KNL1: variants seen among roughly 807,000 people sequenced by gnomAD.
KNL1 encodes kinetochore scaffold 1.
In KNL1, 66 loss-of-function variants were observed where a neutral mutation model predicts 201.3. That is an observed-to-expected ratio of 0.33 (90% CI 0.27 to 0.40). The LOEUF (loss-of-function observed/expected upper bound fraction) is 0.40. Ranked by LOEUF, KNL1 falls within the 10% of genes least tolerant of loss-of-function variation. The pLI is 1.00. For synonymous variants in KNL1, 895 were observed against 899.2 expected (o/e 1.00, Z 0.08); for missense variants, 2,815 against 2,690.5 (o/e 1.05, Z -1.02).
Position 40,606,398 on chromosome 15 carries a change from G to A in KNL1, c.81G>A (p.Leu27=), listed in dbSNP as rs775689404. 7.7e-6 allele frequency: 12 copies of A among 1,568,134 alleles called. No individual in the cohort carries two copies. In the Admixed American group the frequency reaches 1.8e-4, roughly 24 times the overall value. ...RPVRRRHSSI[L]KPPRSPLQDL... is the part of the protein sequence containing the mutation. Reference sequence around the variant, plus strand: ...AATTCTAATTGTTACCCTAGATATTGAAACCCCCAAGGAGTCCTCTTCAGG... The same window carrying A: ...AATTCTAATTGTTACCCTAGATATTAAAACCCCCAAGGAGTCCTCTTCAGG... Residue 27 remains leucine (L), a synonymous_variant, in exon 4 of 26, where the codon TTG becomes TTA. Coordinates refer to ENST00000399668, the MANE Select transcript of KNL1 (RefSeq NM_144508.5).
At chr15:40,609,186 T>C (rs1892074649) in intron 5 of KNL1, among the ~76,000 whole-genome samples, 1 of 151,104 alleles carries the variant, frequency 6.6e-6, no homozygotes, top group Admixed American at 6.6e-5. Flanking sequence ...AGCCAGAGGA[T>C]TGCTTGAGGC....
intron 8 of KNL1, 47 bp from the exon 9 acceptor site, chr15:40,618,912 C>G (rs549841341): frequency 8.2e-7 from 1 of 1,224,684 alleles, no homozygotes; most frequent in East Asian, 2.3e-5. Flanking sequence ...GAAAATCAGG[C>G]TCAGTGTTAT....
intron 3 of KNL1, 145 bp from the exon 4 acceptor site, chr15:40,606,248 G>A (rs1019881710): frequency 2.7e-5 from 15 of 553,626 alleles, no homozygotes; most frequent in Admixed American, 1.8e-4. Flanking sequence ...TCTGCCACAC[G>A]GTATAGCATT....
At chr15:40,608,150 T>A (rs550002061) in intron 4 of KNL1, among the ~76,000 whole-genome samples, 124 of 152,126 alleles carry the variant, frequency 8.2e-4, no homozygotes, top group Non-Finnish European at 1.4e-3. Context: ...TGACACATAC[T>A]ACAAAATGTG....
At chr15:40,635,601 G>T (rs922016237) in intron 13 of KNL1, among the ~76,000 whole-genome samples, 1 of 151,938 alleles carries the variant, frequency 6.6e-6, no homozygotes, top group Non-Finnish European at 1.5e-5. Flanking sequence ...TGATCCGCCC[G>T]CCTCAGCTTC....
intron 7 of KNL1, among the ~76,000 whole-genome samples, chr15:40,611,957 A>G (rs1595918476): frequency 6.6e-6 from 1 of 152,154 alleles, no homozygotes; most frequent in Non-Finnish European, 1.5e-5. Context: ...AGGCTGGTGG[A>G]TCACCTGAGG....
At chr15:40,661,933 C>G in intron 25 of KNL1, 141 bp from the exon 26 acceptor site, 1 of 500,396 alleles carries the variant, frequency 2.0e-6, no homozygotes, top group Non-Finnish European at 3.6e-6. Flanking sequence ...CCCAGCTACT[C>G]GGGAGGCTGA....
rs752993651 is a variant in KNL1, at chr15:40,654,998, C to G, written c.6484+21C>G. 8 of 1,597,032 alleles carry G rather than the reference C, an allele frequency of 5.0e-6. No individual in the cohort carries two copies. The Admixed American group carries it at 1.3e-4, about 27-fold the overall frequency. On this transcript the variant is annotated intron_variant, in intron 22 of 25. Coordinates refer to ENST00000399668, the MANE Select transcript of KNL1 (RefSeq NM_144508.5). ...AGATGGTAAGTAGAAAACATTTAAGCCTCTAAAAATTTGTTGGGGCTGGGC... is the reference window on the plus strand; with the variant it reads ...AGATGGTAAGTAGAAAACATTTAAGGCTCTAAAAATTTGTTGGGGCTGGGC...
chr15:40,661,948 G>GGA (rs1481191329), intron 25 of KNL1, 126 bp from the exon 26 acceptor site: 1 of 549,506 alleles, frequency 1.8e-6, no homozygotes, highest in Middle Eastern at 3.6e-4. Flanking sequence ...GGCTGAGGCA[G>GGA]GAGAATGGCA....
At chr15:40,595,453 A>G (rs1891594194) in intron 1 of KNL1, among the ~76,000 whole-genome samples, 1 of 152,218 alleles carries the variant, frequency 6.6e-6, no homozygotes, top group African/African-American at 2.4e-5. Flanking sequence ...ATGTGGTAAA[A>G]TTTTGGTAAT....
At chr15:40,607,570 T>G (rs1371872401) in intron 4 of KNL1, among the ~76,000 whole-genome samples, 1 of 152,210 alleles carries the variant, frequency 6.6e-6, no homozygotes, top group Admixed American at 6.5e-5. Flanking sequence ...TTATTTTATG[T>G]TTTTACTTGA....
At chr15:40,602,077 C>T (rs1293508844) in intron 1 of KNL1, among the ~76,000 whole-genome samples, 2 of 149,438 alleles carry the variant, frequency 1.3e-5, no homozygotes, top group Non-Finnish European at 3.0e-5. Context: ...TCGCCCAGGC[C>T]GGACTGTGGT....
chr15:40,624,034 T>C lies in KNL1; in HGVS notation c.3770T>C (p.Ile1257Thr), dbSNP rs752108504. Residue 1257 changes from isoleucine (I) to threonine (T), a missense_variant, in exon 10 of 26, where the codon ATA becomes ACA. Coordinates refer to ENST00000399668, the MANE Select transcript of KNL1 (RefSeq NM_144508.5). ...FHSAAMDEKV[I>T]GKVVDQACTL... ...AGTGCTGCTATGGATGAAAAGGTCA[T>C]AGGGAAAGTTGTAGACCAGGCCTGT... 1.1e-5 allele frequency: 17 copies of C among 1,613,870 alleles called. No homozygotes were observed. In the Admixed American group the frequency reaches 2.0e-4, roughly 19 times the overall value.
intron 17 of KNL1, among the ~76,000 whole-genome samples, chr15:40,648,694 C>T (rs950668313): frequency 6.6e-6 from 1 of 152,126 alleles, no homozygotes; most frequent in Non-Finnish European, 1.5e-5. Flanking sequence ...TACATTCTTA[C>T]CATTATTCCA....
At chr15:40,643,712 T>C (rs1179987078) in intron 14 of KNL1, among the ~76,000 whole-genome samples, 1 of 152,188 alleles carries the variant, frequency 6.6e-6, no homozygotes, top group Non-Finnish European at 1.5e-5. Context: ...GACCTTAGGA[T>C]TCTTTATAAG....
chr15:40,613,865 T>C (rs1482357752), intron 7 of KNL1, among the ~76,000 whole-genome samples: 1 of 152,086 alleles, frequency 6.6e-6, no homozygotes. Context: ...TGGCGCCATC[T>C]CGGCCCACTG....
chr15:40,636,822 C>T (rs1893068854), intron 13 of KNL1, among the ~76,000 whole-genome samples: 1 of 152,142 alleles, frequency 6.6e-6, no homozygotes, highest in South Asian at 2.1e-4. Context: ...AGAGTGAGAG[C>T]TTGTCTCAAA....
At position 40,608,908 on chromosome 15, in the gene KNL1, A is replaced by G; in HGVS notation, c.197A>G (p.Lys66Arg). 23 of 1,605,428 alleles carry G rather than the reference A, an allele frequency of 1.4e-5. No homozygotes were observed. Among genetic ancestry groups the G allele is most frequent in the Non-Finnish European group, 2.0e-5 (23 of 1,174,044 alleles). ...SRRVSFADTIKVFQTESHMKI... is the reference protein window; with the variant it reads ...SRRVSFADTIRVFQTESHMKI... ...CGAGTCAGCTTTGCAGATACTATAAAGTAAGTTGAAAGCAGAAATAACTAA... is the reference window on the plus strand; with the variant it reads ...CGAGTCAGCTTTGCAGATACTATAAGGTAAGTTGAAAGCAGAAATAACTAA... The change falls in exon 5 of 26, where the codon AAG becomes AGG. Residue 66 changes from lysine to arginine, a missense_variant and splice_region_variant. Transcript: ENST00000399668.
At chr15:40,628,363 C>G (rs948134857) in intron 11 of KNL1, among the ~76,000 whole-genome samples, 155 bp downstream of exon 11, 4 of 152,086 alleles carry the variant, frequency 2.6e-5, no homozygotes, top group African/African-American at 9.7e-5. Flanking sequence ...ATTTTTAATT[C>G]TTAGTTTGTA....
Sources: allele counts gnomAD v4.1 joint callset (sites outside exome capture counted in the v4.1 genomes callset), GRCh38; gene constraint gnomAD v4.1.1; transcripts MANE v1.5; gene names NCBI Gene and HGNC (gene_info 2026-07-23, HGNC 2026-07-21).